Variants in ELAPOR2 observed in about 807,000 individuals in gnomAD.
The protein encoded by ELAPOR2 is endosome-lysosome associated apoptosis and autophagy regulator family member 2, also known as endosome/lysosome-associated apoptosis and autophagy regulator family member 2.
Under a neutral mutation model 120.7 loss-of-function variants are expected in ELAPOR2, and 89 were observed. The observed-to-expected ratio is 0.74, with a 90% confidence interval of 0.62 to 0.88. The LOEUF is 0.88. ELAPOR2 is among the 40% of genes least tolerant of loss of function. The pLI is 0.00. For synonymous variants in ELAPOR2, 444 were observed against 444.9 expected, an observed-to-expected ratio of 1.00 and a Z score of 0.03; for missense variants, 1,134 against 1,251.6, an observed-to-expected ratio of 0.91 and a Z score of 1.42.
chr7:87,027,569 A>C (rs1008933478), intron 1 of ELAPOR2, among the ~76,000 whole-genome samples: 1 of 152,206 alleles, frequency 6.6e-6, no homozygotes, highest in Admixed American at 6.6e-5. Context: ...TAGACTTAAA[A>C]TGAGGTTATT....
At position 87,046,713 on chromosome 7, in the gene ELAPOR2, C is replaced by T. The variant is rs551247916; in HGVS notation, c.189+12612G>A. ...AAGTTCCTCCTTCACTCTTCTCTCT[C>T]CTGCTGCCTTGTGAAGGTATGTGCT... On this transcript the variant is annotated intron_variant, in intron 1 of 21. Transcript: ENST00000450689. Among the ~76,000 whole-genome samples the T allele has an allele frequency of 1.8e-3, 271 of 152,312 alleles. 2 individuals carry two copies. Among genetic ancestry groups the T allele is most frequent in the Admixed American group, 4.3e-3 (66 of 15,304 alleles).
At chr7:87,032,574 C>A (rs191928367) in intron 1 of ELAPOR2, among the ~76,000 whole-genome samples, 260 of 152,260 alleles carry the variant, frequency 1.7e-3, no homozygotes, top group African/African-American at 5.9e-3. Flanking sequence ...AAATCTCACT[C>A]TCACCTCTTC....
intron 21 of ELAPOR2, among the ~76,000 whole-genome samples, chr7:86,888,723 G>A (rs558375154): frequency 1.3e-5 from 2 of 152,086 alleles, no homozygotes; most frequent in East Asian, 3.9e-4. Context: ...AGGGAGAGTT[G>A]AGCTGACTTC....
intron 12 of ELAPOR2, among the ~76,000 whole-genome samples, chr7:86,915,841 A>G (rs1789547915): frequency 6.6e-6 from 1 of 151,930 alleles, no homozygotes; most frequent in South Asian, 2.1e-4. Context: ...ATAACAGAAA[A>G]TGCTCATCAT....
intron 1 of ELAPOR2, among the ~76,000 whole-genome samples, chr7:87,030,469 T>TA (rs1794389465): frequency 6.6e-6 from 1 of 151,898 alleles, no homozygotes; most frequent in Non-Finnish European, 1.5e-5. Context: ...AAAGAAAAAA[T>TA]ACAACTAAAC....
chr7:87,000,336 C>T (rs1025164815), intron 1 of ELAPOR2, among the ~76,000 whole-genome samples: 1 of 152,104 alleles, frequency 6.6e-6, no homozygotes, highest in African/African-American at 2.4e-5. Context: ...CAAGCCTTTC[C>T]TCTGGGTGGT....
intron 1 of ELAPOR2, among the ~76,000 whole-genome samples, chr7:87,007,551 T>G (rs1254967439): frequency 1.3e-5 from 2 of 152,144 alleles, no homozygotes; most frequent in African/African-American, 4.8e-5. Flanking sequence ...ACTTGGAAGA[T>G]CTAGGGGAAA....
intron 1 of ELAPOR2, among the ~76,000 whole-genome samples, chr7:87,018,903 T>C (rs1250898232): frequency 6.6e-6 from 1 of 152,172 alleles, no homozygotes; most frequent in Non-Finnish European, 1.5e-5. Context: ...CAAGCAGTAT[T>C]CCATGTTCAA....
intron 2 of ELAPOR2, among the ~76,000 whole-genome samples, chr7:86,951,081 A>G (rs1791226594): frequency 6.6e-6 from 1 of 152,242 alleles, no homozygotes. Flanking sequence ...CCTACAGTAC[A>G]TTAAATCAGA....
intron 10 of ELAPOR2, chr7:86,920,726 C>T (rs1042846042): frequency 2.0e-5 from 3 of 152,156 alleles, no homozygotes; most frequent in South Asian, 2.1e-4. Flanking sequence ...GTCTTGACCC[C>T]TTTGAGACCT....
chr7:87,016,078 A>T (rs1242621727), intron 1 of ELAPOR2, among the ~76,000 whole-genome samples: 1 of 152,174 alleles, frequency 6.6e-6, no homozygotes, highest in Non-Finnish European at 1.5e-5. Flanking sequence ...CTGAAACCTG[A>T]GACAAACAAA....
intron 1 of ELAPOR2, among the ~76,000 whole-genome samples, chr7:87,056,647 T>C (rs907676395): frequency 2.0e-5 from 3 of 152,228 alleles, no homozygotes; most frequent in African/African-American, 4.8e-5. Context: ...ATATGTATTT[T>C]ATGAGTTTCA....
intron 2 of ELAPOR2, among the ~76,000 whole-genome samples, chr7:86,959,031 T>A (rs959909715): frequency 2.0e-5 from 2 of 99,266 alleles, no homozygotes; most frequent in African/African-American, 1.5e-4. Flanking sequence ...AGTGTACAAG[T>A]CTGTCACCTT....
chr7:86,880,371 C>T lies in ELAPOR2; in HGVS notation c.*100G>A. On this transcript the variant is annotated 3_prime_UTR_variant, in exon 22 of 22. Coordinates refer to ENST00000450689, the MANE Select transcript of ELAPOR2 (RefSeq NM_001142749.3). ...GCGGCATGGCCCTCCTCTGTGAGAT[C>T]ACCAATGTGACAGGTATGAGGACAG... is the stretch of plus-strand genomic sequence containing the variant. 2 of 856,314 alleles carry T rather than the reference C, an allele frequency of 2.3e-6. No homozygotes were observed. The highest frequency in any genetic ancestry group is 3.9e-6 in the Non-Finnish European group (2 of 511,790). The allele number at this position is 856,314 out of a possible 1,614,324, so 53.0% of individuals were successfully genotyped here.
At chr7:87,005,341 A>G (rs1269584538) in intron 1 of ELAPOR2, among the ~76,000 whole-genome samples, 1 of 151,936 alleles carries the variant, frequency 6.6e-6, no homozygotes, top group Non-Finnish European at 1.5e-5. Context: ...ATAGGGCTAA[A>G]AAAGAATTAC....
At chr7:86,979,258 G>A (rs974352824) in intron 1 of ELAPOR2, among the ~76,000 whole-genome samples, 3 of 152,212 alleles carry the variant, frequency 2.0e-5, no homozygotes, top group Admixed American at 6.5e-5. Flanking sequence ...AAAAGACCAC[G>A]TTAAGTTTAA....
chr7:87,040,983 C>T (rs1029052838), intron 1 of ELAPOR2, among the ~76,000 whole-genome samples: 3 of 151,826 alleles, frequency 2.0e-5, no homozygotes, highest in East Asian at 1.9e-4. Flanking sequence ...CCTCAGGAGC[C>T]GATGCGATCA....
chr7:87,002,201 TAA>T (rs1416965390), intron 1 of ELAPOR2, among the ~76,000 whole-genome samples: 1 of 152,168 alleles, frequency 6.6e-6, no homozygotes, highest in East Asian at 1.9e-4. Flanking sequence ...CAGTCCAGTT[TAA>T]AGTCACGGTA....
chr7:86,925,648 G>T lies in ELAPOR2; in HGVS notation c.1279C>A (p.Pro427Thr). The T allele has an allele frequency of 6.2e-7, 1 of 1,611,530 alleles. No individual in the cohort carries two copies. Among genetic ancestry groups the T allele is most frequent in the Non-Finnish European group, 8.5e-7 (1 of 1,178,298 alleles). ...TFSDGTKECR[P>T]CPAGTEPALG... ...GCAGGCTCCGTTCCTGCTGGACATG[G>T]TCTACATTCTACAGGAGACAAGTAG... The change falls in exon 10 of 22, where the codon CCA becomes ACA. Residue 427 changes from proline (P) to threonine (T), a missense_variant. By Grantham distance (38) the Pro-to-Thr change is conservative. Around this residue, in one of 3 missense-constraint regions of ELAPOR2, gnomAD observed 831 missense variants for 867.6 expected, o/e 0.96. Coordinates refer to ENST00000450689, the MANE Select transcript of ELAPOR2 (RefSeq NM_001142749.3).
Sources: gnomAD v4.1 joint callset for allele counts (sites outside exome capture counted in the v4.1 genomes callset) on GRCh38, gnomAD v4.1.1 for gene constraint, gnomAD v4.1.1 regional missense constraint, MANE v1.5 for transcripts, NCBI Gene and HGNC (gene_info 2026-07-23, HGNC 2026-07-21) for gene names.